Variants in DSCAML1 observed in about 807,000 individuals in gnomAD.
DSCAML1 encodes the protein cell adhesion molecule DSCAML1.
Under a neutral mutation model 200.5 loss-of-function variants are expected in DSCAML1, and 38 were observed. The observed-to-expected ratio is 0.19, with a 90% CI of 0.15 to 0.25. DSCAML1 has a LOEUF of 0.25. DSCAML1 is among the 10% of genes least tolerant of loss of function. The pLI is 1.00. For missense variants in DSCAML1, 2,223 were observed against 2,858.8 expected (o/e 0.78, Z 5.07); for synonymous variants, 1,215 against 1,165.0 (o/e 1.04, Z -0.87).
intron 1 of DSCAML1, among the ~76,000 whole-genome samples, chr11:117,809,179 G>A (rs2055734754): frequency 6.6e-6 from 1 of 152,260 alleles, no homozygotes; most frequent in East Asian, 1.9e-4. Flanking sequence ...AGTTTGCCCT[G>A]AGACCCCAGG....
chr11:117,545,248 C>A (rs1156816385), intron 3 of DSCAML1, among the ~76,000 whole-genome samples: 14 of 143,276 alleles, frequency 9.8e-5, no homozygotes, highest in East Asian at 8.8e-4. Context: ...CACACACACA[C>A]ACACACACAC....
intron 3 of DSCAML1, among the ~76,000 whole-genome samples, chr11:117,701,219 T>C (rs746605391): frequency 1.3e-5 from 2 of 152,080 alleles, no homozygotes; most frequent in Non-Finnish European, 2.9e-5. Flanking sequence ...TGAGCCAAGA[T>C]TGTGCCACTG....
chr11:117,537,050 T>G (rs2050184752), intron 3 of DSCAML1, among the ~76,000 whole-genome samples: 1 of 152,192 alleles, frequency 6.6e-6, no homozygotes, highest in South Asian at 2.1e-4. Context: ...AGCTAGAAGG[T>G]GGTAGAGCCT....
chr11:117,754,842 T>C (rs548886500), intron 3 of DSCAML1, among the ~76,000 whole-genome samples: 1 of 151,176 alleles, frequency 6.6e-6, no homozygotes, highest in East Asian at 1.9e-4. Context: ...CCTCCCTCCC[T>C]ACCTGCCTAC....
chr11:117,719,953 C>T (rs1353395754), intron 3 of DSCAML1, among the ~76,000 whole-genome samples: 2 of 152,178 alleles, frequency 1.3e-5, no homozygotes, highest in Admixed American at 6.5e-5. Flanking sequence ...GCTTTGTGGC[C>T]CCCTAACCCT....
chr11:117,548,684 C>T (rs575940701), intron 3 of DSCAML1, among the ~76,000 whole-genome samples: 5 of 152,284 alleles, frequency 3.3e-5, no homozygotes, highest in South Asian at 2.1e-4. Context: ...TGGGAATTCC[C>T]GAGTGCACCG....
intron 11 of DSCAML1, among the ~76,000 whole-genome samples, chr11:117,493,508 G>A (rs1176456675): frequency 3.3e-5 from 5 of 151,998 alleles, no homozygotes; most frequent in Middle Eastern, 3.4e-3. Context: ...TAGAGATGGG[G>A]TTTCACCATG....
chr11:117,631,803 G>C (rs36108816), intron 3 of DSCAML1, among the ~76,000 whole-genome samples: 59,864 of 152,060 alleles, frequency 0.39, 13,496 homozygotes, highest in Admixed American at 0.55. Context: ...GCCAGGCCCT[G>C]AGCTATGCTC....
At chr11:117,751,395 CTTTT>C (rs368589239) in intron 3 of DSCAML1, among the ~76,000 whole-genome samples, 2 of 142,556 alleles carry the variant, frequency 1.4e-5, no homozygotes, top group Non-Finnish European at 1.5e-5. Context: ...CACCTTTTTT[CTTTT>C]TTTTTTTTTC....
intron 19 of DSCAML1, among the ~76,000 whole-genome samples, chr11:117,455,189 T>G (rs1435654770): frequency 6.6e-6 from 1 of 152,220 alleles, no homozygotes; most frequent in Non-Finnish European, 1.5e-5. Context: ...AGAGTGAGTT[T>G]CAGTCACCCA....
chr11:117,803,947 G>C (rs932575257), intron 1 of DSCAML1, among the ~76,000 whole-genome samples: 1 of 152,212 alleles, frequency 6.6e-6, no homozygotes, highest in Non-Finnish European at 1.5e-5. Context: ...GAGACAACTT[G>C]GTGCTGCCGT....
chr11:117,537,430 G>A (rs1325505896), intron 3 of DSCAML1, among the ~76,000 whole-genome samples: 1 of 152,198 alleles, frequency 6.6e-6, no homozygotes, highest in Admixed American at 6.5e-5. Flanking sequence ...AGTAAAAGGA[G>A]CTGTACAAAG....
At chr11:117,634,566 G>C (rs1274327030) in intron 3 of DSCAML1, among the ~76,000 whole-genome samples, 2 of 152,228 alleles carry the variant, frequency 1.3e-5, no homozygotes, top group East Asian at 3.8e-4. Context: ...GGGCCCTGGA[G>C]TAAGCCTGAG....
chr11:117,747,708 T>G (rs954858244), intron 3 of DSCAML1, among the ~76,000 whole-genome samples: 2 of 152,144 alleles, frequency 1.3e-5, no homozygotes, highest in Non-Finnish European at 2.9e-5. Context: ...AGACCGCCTG[T>G]GTCCTCTGAT....
At chr11:117,789,729 G>A (rs1300134796) in intron 1 of DSCAML1, among the ~76,000 whole-genome samples, 1 of 152,156 alleles carries the variant, frequency 6.6e-6, no homozygotes, top group Admixed American at 6.5e-5. Flanking sequence ...AAGTGGAAGA[G>A]GGCTTTGCCT....
intron 3 of DSCAML1, among the ~76,000 whole-genome samples, chr11:117,599,807 C>T (rs74334348): frequency 0.012 from 1,848 of 152,302 alleles, 19 homozygotes; most frequent in South Asian, 0.035. Context: ...TCAATAGCGA[C>T]GCACGCTTAC....
At chr11:117,795,573 G>T (rs1030676088) in intron 1 of DSCAML1, among the ~76,000 whole-genome samples, 6 of 152,044 alleles carry the variant, frequency 3.9e-5, no homozygotes, top group Admixed American at 2.0e-4. Context: ...TAACCCGGGG[G>T]ACCCCACTGG....
At chr11:117,580,467 A>G (rs1231348600) in intron 3 of DSCAML1, among the ~76,000 whole-genome samples, 2 of 152,234 alleles carry the variant, frequency 1.3e-5, no homozygotes, top group African/African-American at 2.4e-5. Context: ...CTGTATTGGT[A>G]AAAGACAGAG....
intron 29 of DSCAML1, 85 bp downstream of exon 29, chr11:117,433,053 T>G: frequency 8.4e-7 from 1 of 1,188,664 alleles, no homozygotes; most frequent in Non-Finnish European, 1.2e-6. Flanking sequence ...GGCACTGCCA[T>G]GAGGGTTGGT....
Sources: allele counts gnomAD v4.1 joint callset (sites outside exome capture counted in the v4.1 genomes callset), GRCh38; gene constraint gnomAD v4.1.1; transcripts MANE v1.5; gene names NCBI Gene and HGNC (gene_info 2026-07-23, HGNC 2026-07-21).